Variants in SWT1 observed in about 807,000 individuals in gnomAD.
The protein encoded by SWT1 is transcriptional protein SWT1.
A neutral mutation model predicts 107.3 loss-of-function variants in SWT1; 33 were observed. The observed-to-expected ratio is 0.31, with a 90% confidence interval of 0.23 to 0.41. The LOEUF (loss-of-function observed/expected upper bound fraction) is 0.41, where lower values mean the gene tolerates loss of function less well. SWT1 is among the 10% of genes least tolerant of loss of function. SWT1 has a pLI of 1.00. For synonymous variants in SWT1, 345 were observed against 348.3 expected (o/e 0.99, Z 0.11); for missense variants, 898 against 1,028.9 (o/e 0.87, Z 1.74).
intron 9 of SWT1, 135 bp from the exon 10 acceptor site, chr1:185,190,414 C>T: frequency 1.7e-6 from 1 of 576,358 alleles, no homozygotes; most frequent in Admixed American, 2.9e-5. Context: ...TGACGTGTGT[C>T]CACCATCATA....
chr1:185,258,776 A>G (rs1400636152), intron 16 of SWT1, among the ~76,000 whole-genome samples: 1 of 151,934 alleles, frequency 6.6e-6, no homozygotes, highest in Non-Finnish European at 1.5e-5. Flanking sequence ...CTATCATAAT[A>G]TATCTGGGTA....
chr1:185,178,640 TAG>T (rs765549199), intron 5 of SWT1, among the ~76,000 whole-genome samples: 5 of 152,102 alleles, frequency 3.3e-5, no homozygotes, highest in Non-Finnish European at 5.9e-5. Flanking sequence ...GGCCCATGAA[TAG>T]AGAGAGCAAA....
chr1:185,192,431 G>A (rs1234632509), intron 10 of SWT1, among the ~76,000 whole-genome samples: 1 of 152,092 alleles, frequency 6.6e-6, no homozygotes, highest in African/African-American at 2.4e-5. Context: ...CAGTGAATTA[G>A]CCAGTCCTGT....
At chr1:185,165,719 C>A (rs1228071780) in intron 2 of SWT1, among the ~76,000 whole-genome samples, 1 of 152,198 alleles carries the variant, frequency 6.6e-6, no homozygotes, top group Non-Finnish European at 1.5e-5. Context: ...CTCTCCCCAT[C>A]CCATCCCCCT....
At chr1:185,267,148 T>C (rs1304122684) in intron 16 of SWT1, among the ~76,000 whole-genome samples, 1 of 152,220 alleles carries the variant, frequency 6.6e-6, no homozygotes, top group Admixed American at 6.5e-5. Context: ...CATTGGACTT[T>C]GGTTTCTACA....
At chr1:185,185,825 A>C (rs1244206614) in intron 9 of SWT1, among the ~76,000 whole-genome samples, 2 of 152,188 alleles carry the variant, frequency 1.3e-5, no homozygotes, top group Admixed American at 1.3e-4. Flanking sequence ...CCATTCATTC[A>C]TTGTCTAAAC....
At position 185,178,162 on chromosome 1, in the gene SWT1, T is replaced by G. The variant is rs12064379; in HGVS notation, c.967-2229T>G. Among the ~76,000 whole-genome samples, 1,519 of 152,242 alleles carry G rather than the reference T, an allele frequency of 1.0e-2. 24 individuals carry two copies. Among genetic ancestry groups the G allele is most frequent in the African/African-American group, 0.034 (1,430 of 41,528 alleles). ...CTAAAACCTCATCTCGAAGGACATG[T>G]GGGGTGAGGACTAGATATGCTGTCC... On this transcript the variant is annotated intron_variant, in intron 5 of 18. Transcript: ENST00000367500.
chr1:185,237,857 C>A (rs1204509041), intron 16 of SWT1, among the ~76,000 whole-genome samples: 1 of 152,048 alleles, frequency 6.6e-6, no homozygotes, highest in African/African-American at 2.4e-5. Flanking sequence ...CTTACATAAG[C>A]AGTATCTAAA....
At chr1:185,222,316 G>A (rs985544190) in intron 15 of SWT1, among the ~76,000 whole-genome samples, 1 of 151,996 alleles carries the variant, frequency 6.6e-6, no homozygotes, top group Admixed American at 6.6e-5. Flanking sequence ...GTATTCCATT[G>A]TGTATATGTA....
chr1:185,214,349 A>G (rs1039453887), intron 13 of SWT1, among the ~76,000 whole-genome samples, 158 bp from the exon 14 acceptor site: 12 of 152,186 alleles, frequency 7.9e-5, no homozygotes, highest in Non-Finnish European at 1.5e-4. Flanking sequence ...AATCTATTTA[A>G]TTATTGCTTT....
intron 15 of SWT1, among the ~76,000 whole-genome samples, chr1:185,229,160 G>C (rs192660179): frequency 2.8e-4 from 43 of 152,250 alleles, no homozygotes; most frequent in Middle Eastern, 3.4e-3. Context: ...GGCAGGAAGA[G>C]GGCGAGATAC....
intron 6 of SWT1, 89 bp downstream of exon 6, chr1:185,180,539 G>T: frequency 1.1e-6 from 1 of 915,664 alleles, no homozygotes; most frequent in Non-Finnish European, 1.7e-6. Flanking sequence ...TAGAAACCCT[G>T]ATAATATGAA....
chr1:185,268,065 C>T (rs540025789), intron 16 of SWT1, among the ~76,000 whole-genome samples: 31 of 152,300 alleles, frequency 2.0e-4, no homozygotes, highest in Admixed American at 1.8e-3. Flanking sequence ...CTAAATTCAA[C>T]CCCAAGTTGA....
intron 14 of SWT1, among the ~76,000 whole-genome samples, chr1:185,220,160 AAAAAG>A (rs1262466697): frequency 4.0e-5 from 6 of 149,738 alleles, no homozygotes; most frequent in Non-Finnish European, 8.9e-5. Flanking sequence ...AAAAAAAAAA[AAAAAG>A]AGCAATTTCT....
At chr1:185,290,230 T>C (rs1665171716) in intron 18 of SWT1, among the ~76,000 whole-genome samples, 1 of 151,874 alleles carries the variant, frequency 6.6e-6, no homozygotes, top group Non-Finnish European at 1.5e-5. Context: ...TGAGCTGTGA[T>C]TGCACCACTG....
At chr1:185,180,557 A>G (rs947744714) in intron 6 of SWT1, 107 bp downstream of exon 6, 5 of 785,580 alleles carry the variant, frequency 6.4e-6, no homozygotes, top group South Asian at 1.5e-5. Flanking sequence ...GAAAATAACA[A>G]TGATGTCTCT....
At chr1:185,247,860 A>T (rs1409679621) in intron 16 of SWT1, among the ~76,000 whole-genome samples, 1 of 152,134 alleles carries the variant, frequency 6.6e-6, no homozygotes, top group Non-Finnish European at 1.5e-5. Context: ...TTGCTTCTAG[A>T]AGTGTTTTTT....
intron 18 of SWT1, among the ~76,000 whole-genome samples, chr1:185,287,372 A>G (rs1338635179): frequency 6.6e-6 from 1 of 152,200 alleles, no homozygotes; most frequent in African/African-American, 2.4e-5. Context: ...AACCAGAAGC[A>G]ACCTCCAGTT....
chr1:185,279,384 T>C (rs1664472224), intron 18 of SWT1, among the ~76,000 whole-genome samples: 2 of 152,190 alleles, frequency 1.3e-5, no homozygotes, highest in Admixed American at 1.3e-4. Flanking sequence ...TCAGGTCAAA[T>C]GTTCATAGTT....
Sources: gnomAD v4.1 joint callset for allele counts (sites outside exome capture counted in the v4.1 genomes callset) on GRCh38, gnomAD v4.1.1 for gene constraint, MANE v1.5 for transcripts, NCBI Gene and HGNC (gene_info 2026-07-23, HGNC 2026-07-21) for gene names.